ADAMTS18: variants seen among roughly 807,000 people sequenced by gnomAD.
ADAMTS18 encodes ADAM metallopeptidase with thrombospondin type 1 motif 18, also known as A disintegrin and metalloproteinase with thrombospondin motifs 18.
Under a neutral mutation model 165.9 loss-of-function variants are expected in ADAMTS18, and 157 were observed. The ratio of observed to expected loss-of-function variants is 0.95; its 90% CI spans 0.83 to 1.08. The LOEUF is 1.08. Among genes scored for constraint, ADAMTS18 ranks in the 50% least tolerant of loss-of-function variants. ADAMTS18 has a pLI of 0.00. For synonymous variants in ADAMTS18, 782 were observed against 578.2 expected (o/e 1.35, Z -5.06); for missense variants, 2,040 against 1,534.0 (o/e 1.33, Z -5.51).
chr16:77,410,704 G>A (rs1185795661), intron 3 of ADAMTS18, among the ~76,000 whole-genome samples: 4 of 152,120 alleles, frequency 2.6e-5, no homozygotes, highest in African/African-American at 9.7e-5. Context: ...CTGAGAAACC[G>A]ATGGTATAAG....
intron 3 of ADAMTS18, among the ~76,000 whole-genome samples, chr16:77,431,039 A>G (rs2057732789): frequency 6.6e-6 from 1 of 152,354 alleles, no homozygotes. Flanking sequence ...CTTGGGGATC[A>G]TCTCAAACAT....
At chr16:77,287,660 C>T (rs1023254004) in intron 22 of ADAMTS18, among the ~76,000 whole-genome samples, 16 of 152,052 alleles carry the variant, frequency 1.1e-4, no homozygotes, top group Non-Finnish European at 2.2e-4. Context: ...TTAGTAGAGA[C>T]GGGGTTTCAC....
chr16:77,325,415 G>C (rs1038826416), intron 13 of ADAMTS18, among the ~76,000 whole-genome samples: 3 of 152,054 alleles, frequency 2.0e-5, no homozygotes, highest in Admixed American at 6.6e-5. Flanking sequence ...CTGTGTGTGT[G>C]TCTGCGTGCA....
intron 16 of ADAMTS18, among the ~76,000 whole-genome samples, chr16:77,311,147 G>T (rs9674420): frequency 0.34 from 51,085 of 152,060 alleles, 9,211 homozygotes; most frequent in East Asian, 0.62. Context: ...CTCACGTGTT[G>T]TGGAAAACAT....
rs1020464304 is a variant in ADAMTS18 at position 77,356,005 on chromosome 16, C to A, written c.1395G>T (p.Leu465=). The A allele has an allele frequency of 1.9e-6, 3 of 1,614,060 alleles. No individual in the cohort carries two copies. The African/African-American group carries it at 4.0e-5, about 22-fold the overall frequency. ...KAEGNIMSPT[L]TGNNGVFSWS... ...ATGAAAACACTCCATTGTTTCCGGT[C>A]AGTGTGGGAGACATGATATTGCCTT... is the stretch of plus-strand genomic sequence containing the variant. Residue 465 remains leucine, a synonymous_variant, in exon 9 of 23, where the codon CTG becomes CTT. Transcript: ENST00000282849.
At chr16:77,353,012 G>A (rs1168545293) in intron 10 of ADAMTS18, among the ~76,000 whole-genome samples, 7 of 152,018 alleles carry the variant, frequency 4.6e-5, no homozygotes, top group Non-Finnish European at 8.8e-5. Flanking sequence ...CCTGGGAGGC[G>A]GAGCTTGCAG....
intron 3 of ADAMTS18, among the ~76,000 whole-genome samples, chr16:77,374,458 T>C (rs2056921347): frequency 6.6e-6 from 1 of 152,092 alleles, no homozygotes; most frequent in Non-Finnish European, 1.5e-5. Context: ...AGGCAGAATT[T>C]CAGGTCCCTC....
At chr16:77,381,801 C>T (rs1451364235) in intron 3 of ADAMTS18, among the ~76,000 whole-genome samples, 1 of 151,936 alleles carries the variant, frequency 6.6e-6, no homozygotes, top group African/African-American at 2.4e-5. Context: ...GACTCCATCT[C>T]AAAAAAATAA....
At chr16:77,334,086 T>C (rs376645047) in intron 12 of ADAMTS18, among the ~76,000 whole-genome samples, 1,912 of 35,750 alleles carry the variant, frequency 0.053, 149 homozygotes, top group Non-Finnish European at 0.057. Flanking sequence ...ATATACAGTG[T>C]TATATATTAT....
chr16:77,352,089 G>A (rs2056564678), intron 10 of ADAMTS18, among the ~76,000 whole-genome samples: 1 of 152,102 alleles, frequency 6.6e-6, no homozygotes, highest in African/African-American at 2.4e-5. Flanking sequence ...AGCTCCATGT[G>A]TCATGAAGGA....
At chr16:77,287,863 T>C (rs1014384487) in intron 22 of ADAMTS18, among the ~76,000 whole-genome samples, 1 of 152,162 alleles carries the variant, frequency 6.6e-6, no homozygotes, top group Non-Finnish European at 1.5e-5. Context: ...ACTGTAACAC[T>C]GTGAATATTC....
At chr16:77,295,415 G>T (rs2055450281) in intron 18 of ADAMTS18, among the ~76,000 whole-genome samples, 2 of 152,138 alleles carry the variant, frequency 1.3e-5, no homozygotes, top group South Asian at 2.1e-4. Flanking sequence ...AGCCAAATTT[G>T]TTGGGATTTT....
chr16:77,361,998 T>C (rs1344609847), intron 7 of ADAMTS18, 107 bp downstream of exon 7: 10 of 1,263,350 alleles, frequency 7.9e-6, no homozygotes, highest in East Asian at 4.9e-5. Context: ...AATTTAAATA[T>C]TATGTCTGTT....
chr16:77,351,761 C>T (rs1254945603), intron 10 of ADAMTS18, among the ~76,000 whole-genome samples: 2 of 151,904 alleles, frequency 1.3e-5, no homozygotes, highest in Non-Finnish European at 2.9e-5. Flanking sequence ...GGGTCTCAGT[C>T]TGTTGCCTGA....
At chr16:77,362,492 C>CA (rs1013259858) in intron 6 of ADAMTS18, among the ~76,000 whole-genome samples, 1 of 152,168 alleles carries the variant, frequency 6.6e-6, no homozygotes, top group African/African-American at 2.4e-5. Context: ...CATAGTTCTA[C>CA]AAAAAATAAC....
Position 77,431,282 on chromosome 16 carries a change from G to T in ADAMTS18, c.495+13C>A, listed in dbSNP as rs2057736075. The T allele has an allele frequency of 6.2e-7, 1 of 1,613,832 alleles. No homozygotes were observed. The highest frequency in any genetic ancestry group is 1.7e-5 in the Admixed American group (1 of 59,996). On this transcript the variant is annotated intron_variant, in intron 3 of 22. Transcript: ENST00000282849. ...CGAAAGAGGGAGCTCAACTCAGACT[G>T]GGGTGTACTTACCAAGCCAGCACAC...
At chr16:77,334,152 TAA>T (rs2056243129) in intron 12 of ADAMTS18, among the ~76,000 whole-genome samples, 1 of 100,902 alleles carries the variant, frequency 9.9e-6, no homozygotes, top group Non-Finnish European at 1.8e-5. Context: ...ATATTATATA[TAA>T]TATACAGTGT....
intron 10 of ADAMTS18, 91 bp from the exon 11 acceptor site, chr16:77,341,890 G>C: frequency 9.5e-7 from 1 of 1,056,522 alleles, no homozygotes; most frequent in Non-Finnish European, 1.4e-6. Context: ...TTATATTTTG[G>C]GGTAGCTGAA....
At chr16:77,345,063 T>C (rs984510634) in intron 10 of ADAMTS18, among the ~76,000 whole-genome samples, 9 of 152,248 alleles carry the variant, frequency 5.9e-5, no homozygotes, top group Admixed American at 5.2e-4. Context: ...TGCCTGCATA[T>C]GATTTTTTTA....
Sources: gnomAD v4.1 joint callset for allele counts (sites outside exome capture counted in the v4.1 genomes callset) on GRCh38, gnomAD v4.1.1 for gene constraint, MANE v1.5 for transcripts, NCBI Gene and HGNC (gene_info 2026-07-23, HGNC 2026-07-21) for gene names.